CUBN: variants seen among roughly 807,000 people sequenced by gnomAD.
CUBN encodes cubilin.
A neutral mutation model predicts 405.3 loss-of-function variants in CUBN; 282 were observed. The ratio of observed to expected loss-of-function variants is 0.70; its 90% CI spans 0.63 to 0.77. The LOEUF (loss-of-function observed/expected upper bound fraction) is 0.77. CUBN is among the 30% of genes least tolerant of loss of function. The probability of loss-of-function intolerance (pLI) is 0.00; values close to 1 mark genes in which losing one functional copy is unlikely to be tolerated. For synonymous variants in CUBN, 1,684 were observed against 1,617.0 expected, an observed-to-expected ratio of 1.04 and a Z score of -0.99; for missense variants, 4,514 against 4,475.2, an observed-to-expected ratio of 1.01 and a Z score of -0.25.
intron 54 of CUBN, among the ~76,000 whole-genome samples, chr10:16,897,378 G>A (rs1169579405): frequency 1.3e-5 from 2 of 152,166 alleles, no homozygotes; most frequent in Non-Finnish European, 2.9e-5. Context: ...GAATCTGTGT[G>A]GTGGAATTCT....
At chr10:17,108,097 T>A (rs932392342) in intron 10 of CUBN, among the ~76,000 whole-genome samples, 8 of 152,164 alleles carry the variant, frequency 5.3e-5, no homozygotes, top group Non-Finnish European at 7.3e-5. Context: ...ATTATGACTG[T>A]CCTCCATATT....
intron 6 of CUBN, among the ~76,000 whole-genome samples, chr10:17,118,996 G>A (rs1588655471): frequency 6.6e-6 from 1 of 152,184 alleles, no homozygotes; most frequent in Non-Finnish European, 1.5e-5. Context: ...TGAAAACACT[G>A]CAAGTGCATT....
intron 60 of CUBN, among the ~76,000 whole-genome samples, chr10:16,847,199 T>C (rs1159530408): frequency 6.6e-6 from 1 of 152,184 alleles, no homozygotes; most frequent in Non-Finnish European, 1.5e-5. Flanking sequence ...ATGCCTGTAA[T>C]CCCAGCACTT....
At position 17,111,048 on chromosome 10, in the gene CUBN, A is replaced by G; in HGVS notation, c.886T>C (p.Trp296Arg). 1 of 1,614,214 alleles carries G rather than the reference A, an allele frequency of 6.2e-7. No homozygotes were observed. Among genetic ancestry groups the G allele is most frequent in the Non-Finnish European group, 8.5e-7 (1 of 1,180,014 alleles). Residue 296 changes from tryptophan to arginine, a missense_variant and splice_region_variant, in exon 9 of 67, where the codon TGG becomes CGG. This residue lies in a region of CUBN where 1,448 missense variants were observed against 1,388.0 expected (regional missense o/e 1.04). Transcript: ENST00000377833. ...TCGCAAATATATCCATTGCCTTGCC[A>G]GCCTAGGAAAACAAGAGGATTTAAA... ...SFYCGACPTG[W>R]QGNGYICEDI...
chr10:17,011,292 T>C (rs753326331), intron 28 of CUBN, among the ~76,000 whole-genome samples: 2 of 152,084 alleles, frequency 1.3e-5, no homozygotes, highest in Non-Finnish European at 2.9e-5. Flanking sequence ...AGATGGTGTG[T>C]CCAGAGTTTG....
Position 17,068,113 on chromosome 10 carries a change from T to C in CUBN, c.2959A>G (p.Asn987Asp), listed in dbSNP as rs1835653518. The C allele has an allele frequency of 6.2e-7, 1 of 1,613,524 alleles. No homozygotes were observed. Among genetic ancestry groups the C allele is most frequent in the Non-Finnish European group, 8.5e-7 (1 of 1,179,546 alleles). ...GTGTCATAAACTTCCAAGTAGTCGTTTGTGCAATTGTAATGAAACTCCAGA... is the reference window on the plus strand; with the variant it reads ...GTGTCATAAACTTCCAAGTAGTCGTCTGTGCAATTGTAATGAAACTCCAGA... ...FHLEFHYNCT[N>D]DYLEVYDTDS... The change falls in exon 21 of 67, where the codon AAC becomes GAC. Residue 987 changes from asparagine (N) to aspartate (D), a missense_variant. This residue lies in a region of CUBN where 1,448 missense variants were observed against 1,388.0 expected (regional missense o/e 1.04). Coordinates refer to ENST00000377833, the MANE Select transcript of CUBN (RefSeq NM_001081.4).
rs748024055 is a variant in CUBN at position 17,103,253 on chromosome 10, T to A, written c.1418-16A>T. ...TCTCCACAAACTGCAAAGGAAAAGA[T>A]GAACTGTGCTTTTCAGAGGTTCCTA... On this transcript the variant is annotated splice_polypyrimidine_tract_variant and intron_variant, in intron 12 of 66. Coordinates refer to ENST00000377833, the MANE Select transcript of CUBN (RefSeq NM_001081.4). 5.4e-6 allele frequency: 8 copies of A among 1,489,016 alleles called. No individual in the cohort carries two copies. The East Asian group carries it at 1.8e-4, about 34-fold the overall frequency. 92.2% of individuals were successfully genotyped at this position (1,489,016 alleles called of 1,614,324 possible).
Position 17,088,271 on chromosome 10 carries a change from T to A in CUBN, c.1840A>T (p.Arg614Ter). The A allele has an allele frequency of 1.2e-6, 2 of 1,612,254 alleles. No individual in the cohort carries two copies. The highest frequency in any genetic ancestry group is 1.7e-6 in the Non-Finnish European group (2 of 1,178,426). ...PGYPGNYPPG[R>*]DCVWIVVTSP... ...GTTACAACAATCCAGACACAATCTC[T>A]TCCTGGGGGATAGTTTCCAGGATAC... The change falls in exon 15 of 67, where the codon AGA becomes TGA. Residue 614 changes from arginine to a stop codon, truncating the protein, a stop_gained. Transcript: ENST00000377833. LOFTEE classifies it high-confidence loss of function.
chr10:16,994,160 G>T (rs1833667239), intron 28 of CUBN, among the ~76,000 whole-genome samples: 1 of 152,052 alleles, frequency 6.6e-6, no homozygotes, highest in Non-Finnish European at 1.5e-5. Flanking sequence ...ATTTGAAAGA[G>T]GTAAAATAGC....
intron 10 of CUBN, 35 bp from the exon 11 acceptor site, chr10:17,105,610 G>T (rs766172083): frequency 6.8e-6 from 8 of 1,176,228 alleles, no homozygotes; most frequent in Non-Finnish European, 6.4e-6. Context: ...GTAAATACAG[G>T]TCTCCTCCTC....
At chr10:16,891,690 G>A (rs948724633) in intron 54 of CUBN, among the ~76,000 whole-genome samples, 2 of 149,952 alleles carry the variant, frequency 1.3e-5, no homozygotes, top group Admixed American at 1.3e-4. Flanking sequence ...TGCATATTAG[G>A]TAATGAATAT....
intron 31 of CUBN, among the ~76,000 whole-genome samples, chr10:16,976,578 A>C (rs1280622680): frequency 6.6e-6 from 1 of 151,508 alleles, no homozygotes; most frequent in Middle Eastern, 3.2e-3. Flanking sequence ...CTATTTTTTT[A>C]ATGATGACTT....
At chr10:17,125,955 A>G (rs1206263237) in intron 4 of CUBN, among the ~76,000 whole-genome samples, 3 of 152,236 alleles carry the variant, frequency 2.0e-5, no homozygotes, top group Admixed American at 6.5e-5. Flanking sequence ...AAAGGTTTGC[A>G]GCAGCAATCC....
chr10:16,926,902 G>C (rs1217154853), intron 41 of CUBN, among the ~76,000 whole-genome samples: 1 of 151,704 alleles, frequency 6.6e-6, no homozygotes, highest in East Asian at 1.9e-4. Flanking sequence ...TACTGGTGAA[G>C]TCTATATTTT....
At chr10:16,834,406 G>A (rs1359570776) in intron 64 of CUBN, among the ~76,000 whole-genome samples, 10 of 152,052 alleles carry the variant, frequency 6.6e-5, no homozygotes, top group Non-Finnish European at 7.4e-5. Flanking sequence ...GGAGTGGGGG[G>A]TGGGTGTGTG....
intron 31 of CUBN, among the ~76,000 whole-genome samples, chr10:16,971,328 G>A (rs1832927815): frequency 6.6e-6 from 1 of 152,218 alleles, no homozygotes; most frequent in South Asian, 2.1e-4. Context: ...AAGATAGAGG[G>A]CTGGTGCTTC....
Position 17,010,671 on chromosome 10 carries a change from C to T in CUBN, c.4168+9162G>A, listed in dbSNP as rs546301306. The stretch of plus-strand genomic sequence containing the variant: ...AAATAAATAAATATATAAATATCTA[C>T]TCACTTGATGAAGAGGAAGGTCCAG... On this transcript the variant is annotated intron_variant, in intron 28 of 66. Transcript: ENST00000377833. Among the ~76,000 whole-genome samples the T allele has an allele frequency of 1.4e-3, 204 of 149,412 alleles. 1 individual carries two copies. The highest frequency in any genetic ancestry group is 1.9e-3 in the Non-Finnish European group (128 of 67,234).
At chr10:17,124,393 C>CA (rs1554821551) in intron 4 of CUBN, among the ~76,000 whole-genome samples, 1 of 151,718 alleles carries the variant, frequency 6.6e-6, no homozygotes. Flanking sequence ...GAGAAAACTT[C>CA]TTTTTTTTCT....
At chr10:17,082,597 G>A (rs770849882) in intron 17 of CUBN, among the ~76,000 whole-genome samples, 8 of 152,202 alleles carry the variant, frequency 5.3e-5, no homozygotes, top group Middle Eastern at 6.8e-3. Context: ...ACATTCTTGC[G>A]TATCTGAGAA....
Sources: gnomAD v4.1 joint callset for allele counts (sites outside exome capture counted in the v4.1 genomes callset) on GRCh38, gnomAD v4.1.1 for gene constraint, gnomAD v4.1.1 regional missense constraint, MANE v1.5 for transcripts, NCBI Gene and HGNC (gene_info 2026-07-23, HGNC 2026-07-21) for gene names.